Variants in MKLN1 observed in about 807,000 individuals in gnomAD.
The protein encoded by MKLN1 is muskelin.
A neutral mutation model predicts 99.0 loss-of-function variants in MKLN1; 18 were observed. The observed-to-expected ratio is 0.18, with a 90% CI of 0.13 to 0.27. The LOEUF is 0.27. MKLN1 is among the 10% of genes least tolerant of loss of function. The pLI is 1.00. For missense variants in MKLN1, 621 were observed against 875.9 expected (o/e 0.71, Z 3.67); for synonymous variants, 288 against 293.2 (o/e 0.98, Z 0.18).
chr7:131,479,597 C>T (rs1279624033), intron 17 of MKLN1, among the ~76,000 whole-genome samples: 5 of 151,666 alleles, frequency 3.3e-5, no homozygotes, highest in African/African-American at 7.3e-5. Context: ...GAGGCTGAGG[C>T]AGGAGGATCA....
At chr7:131,440,955 C>T (rs1456050251) in intron 10 of MKLN1, among the ~76,000 whole-genome samples, 2 of 152,048 alleles carry the variant, frequency 1.3e-5, no homozygotes, top group South Asian at 2.1e-4. Context: ...ATCAAGTCAC[C>T]TATAAGAGAA....
chr7:131,374,189 T>A (rs1297927418), intron 1 of MKLN1, among the ~76,000 whole-genome samples: 1 of 152,190 alleles, frequency 6.6e-6, no homozygotes, highest in Admixed American at 6.5e-5. Context: ...TGTATTCCCT[T>A]ACCTGGCTCT....
intron 16 of MKLN1, chr7:131,471,602 C>T (rs899441585): frequency 6.6e-6 from 1 of 152,190 alleles, no homozygotes; most frequent in African/African-American, 2.4e-5. Flanking sequence ...AAAATGCCTG[C>T]AATGATTTTT....
At chr7:131,270,241 G>C (rs933177244) in intron 3 of MKLN1, among the ~76,000 whole-genome samples, 2 of 151,334 alleles carry the variant, frequency 1.3e-5, no homozygotes, top group Admixed American at 6.6e-5. Flanking sequence ...TTTATTTTTT[G>C]AGACAAGATC....
rs562299701 is a variant in MKLN1, at chr7:131,185,729, C to T, written c.-296-17128C>T. On this transcript the variant is annotated intron_variant, in intron 2 of 7. Coordinates refer to the MKLN1 transcript ENST00000416992. ...TAGCCGTATGACCTTGGGAAAATTA[C>T]CTAAAAATTCTCCATGCCTTCAATT... 2.6e-5 allele frequency among the ~76,000 whole-genome samples: 4 copies of T among 152,232 alleles called. No individual in the cohort carries two copies. In the South Asian group the frequency reaches 6.2e-4, roughly 24 times the overall value.
intron 3 of MKLN1, among the ~76,000 whole-genome samples, chr7:131,313,690 A>G (rs978819168): frequency 1.3e-5 from 2 of 152,210 alleles, no homozygotes; most frequent in Non-Finnish European, 2.9e-5. Context: ...AATCACAGGA[A>G]TCTATCATTG....
At chr7:131,143,330 G>T (rs972588100) in intron 2 of MKLN1, among the ~76,000 whole-genome samples, 1 of 152,154 alleles carries the variant, frequency 6.6e-6, no homozygotes, top group Admixed American at 6.5e-5. Flanking sequence ...TGCTGGGCAT[G>T]GTGGCAGGTG....
At chr7:131,427,662 T>C (rs941049850) in intron 8 of MKLN1, among the ~76,000 whole-genome samples, 3 of 152,158 alleles carry the variant, frequency 2.0e-5, no homozygotes, top group African/African-American at 7.2e-5. Context: ...CAAGTGATTC[T>C]CCTGCCTCAG....
At chr7:131,482,560 C>A (rs1274095297) in intron 17 of MKLN1, among the ~76,000 whole-genome samples, 3 of 152,084 alleles carry the variant, frequency 2.0e-5, no homozygotes, top group African/African-American at 7.2e-5. Context: ...TCCTTTACCA[C>A]AAGTAGGAAA....
chr7:131,274,414 G>A (rs542877232), intron 3 of MKLN1, among the ~76,000 whole-genome samples: 1 of 152,066 alleles, frequency 6.6e-6, no homozygotes, highest in East Asian at 1.9e-4. Flanking sequence ...AGGGTGAGGC[G>A]GGCAGGTGAT....
intron 2 of MKLN1, among the ~76,000 whole-genome samples, chr7:131,171,515 T>A (rs1231316674): frequency 6.6e-6 from 1 of 152,130 alleles, no homozygotes; most frequent in Non-Finnish European, 1.5e-5. Context: ...TGGAGTGCAA[T>A]GGTGCGTTCT....
intron 3 of MKLN1, among the ~76,000 whole-genome samples, chr7:131,255,520 A>G (rs901274131): frequency 2.0e-5 from 3 of 152,228 alleles, no homozygotes; most frequent in Admixed American, 2.0e-4. Flanking sequence ...CAAAATGCTG[A>G]AAGGAAAATT....
At chr7:131,120,108 T>C (rs1795339318) in intron 1 of MKLN1, among the ~76,000 whole-genome samples, 1 of 144,212 alleles carries the variant, frequency 6.9e-6, no homozygotes, top group African/African-American at 2.6e-5. Context: ...GAGGCGGAGC[T>C]TGCAATGAGC....
chr7:131,122,824 A>C (rs534039821), intron 1 of MKLN1, among the ~76,000 whole-genome samples: 3 of 152,106 alleles, frequency 2.0e-5, no homozygotes, highest in African/African-American at 7.2e-5. Flanking sequence ...GATGGAGACC[A>C]TCCTGGCTAA....
intron 3 of MKLN1, among the ~76,000 whole-genome samples, chr7:131,233,257 C>G (rs1797269266): frequency 6.6e-6 from 1 of 151,882 alleles, no homozygotes; most frequent in Non-Finnish European, 1.5e-5. Flanking sequence ...GCCTGTGGTC[C>G]TAGCTATTCG....
chr7:131,158,337 G>A (rs1795998419), intron 2 of MKLN1, among the ~76,000 whole-genome samples: 1 of 152,190 alleles, frequency 6.6e-6, no homozygotes, highest in Non-Finnish European at 1.5e-5. Context: ...TGGAGGCTGA[G>A]GCAGGAGAAT....
At chr7:131,433,358 C>T (rs1444600520) in intron 9 of MKLN1, among the ~76,000 whole-genome samples, 1 of 152,158 alleles carries the variant, frequency 6.6e-6, no homozygotes, top group Non-Finnish European at 1.5e-5. Flanking sequence ...TCAGGAGACA[C>T]ATTACATCAG....
rs574413388 is a variant in MKLN1 at position 131,165,207 on chromosome 7, CAG to C, written c.-297+22269_-297+22270del. ...GTTGTTTTCTTTTGCTTTTTTGAGACAGAGTTTCACTCTTGTTGCCCAGGCTG... is the reference window on the plus strand; with the variant it reads ...GTTGTTTTCTTTTGCTTTTTTGAGACAGTTTCACTCTTGTTGCCCAGGCTG... On this transcript the variant is annotated intron_variant, in intron 2 of 7. Coordinates refer to the MKLN1 transcript ENST00000416992. Among the ~76,000 whole-genome samples the C allele has an allele frequency of 1.5e-3, 222 of 152,130 alleles. 1 individual carries two copies. Among genetic ancestry groups the C allele is most frequent in the Middle Eastern group, 6.8e-3 (2 of 294 alleles).
chr7:131,471,413 T>A (rs555428812), intron 16 of MKLN1, among the ~76,000 whole-genome samples: 1 of 152,334 alleles, frequency 6.6e-6, no homozygotes, highest in East Asian at 1.9e-4. Flanking sequence ...TATGTGAATG[T>A]TGTAGCAGTA....
Sources: gnomAD v4.1 joint callset for allele counts (sites outside exome capture counted in the v4.1 genomes callset) on GRCh38, gnomAD v4.1.1 for gene constraint, MANE v1.5 for transcripts, NCBI Gene and HGNC (gene_info 2026-07-23, HGNC 2026-07-21) for gene names.